The following KAZN variants were observed in gnomAD, a reference collection of about 807,000 sequenced individuals.
KAZN encodes the protein kazrin.
A neutral mutation model predicts 87.4 loss-of-function variants in KAZN; 40 were observed. That is an observed-to-expected ratio of 0.46 (90% CI 0.36 to 0.60). The LOEUF is 0.60. Ranked by LOEUF, KAZN falls within the 20% of genes least tolerant of loss-of-function variation. KAZN has a pLI of 0.00. For missense variants in KAZN, 898 were observed against 1,073.9 expected (o/e 0.84, Z 2.29); for synonymous variants, 466 against 458.3 (o/e 1.02, Z -0.22).
At chr1:14,997,363 C>T (rs1015175165) in intron 2 of KAZN, among the ~76,000 whole-genome samples, 1 of 152,008 alleles carries the variant, frequency 6.6e-6, no homozygotes, top group African/African-American at 2.4e-5. Flanking sequence ...GCCTCAGCCT[C>T]CCGAGTAGCT....
intron 1 of KAZN, among the ~76,000 whole-genome samples, chr1:14,887,234 T>G (rs1654169801): frequency 6.6e-6 from 1 of 152,200 alleles, no homozygotes; most frequent in Non-Finnish European, 1.5e-5. Flanking sequence ...TTCAAAAGAT[T>G]TTTTTTCCTA....
intron 1 of KAZN, among the ~76,000 whole-genome samples, chr1:13,994,866 C>A (rs1027417013): frequency 3.7e-5 from 3 of 80,780 alleles, no homozygotes; most frequent in Non-Finnish European, 7.2e-5. Context: ...GGGAATGCAG[C>A]ATGCTAAACA....
chr1:14,905,739 G>T (rs1656453410), intron 1 of KAZN, among the ~76,000 whole-genome samples: 1 of 151,594 alleles, frequency 6.6e-6, no homozygotes, highest in Non-Finnish European at 1.5e-5. Context: ...GGCTACTCGG[G>T]AGGCTGAGGC....
At chr1:14,874,977 A>G (rs1463268665) in intron 1 of KAZN, among the ~76,000 whole-genome samples, 1 of 152,064 alleles carries the variant, frequency 6.6e-6, no homozygotes, top group Non-Finnish European at 1.5e-5. Flanking sequence ...TACCTCTGCA[A>G]GTGGGGGTCC....
chr1:14,251,642 A>ATTTTTTTTTT (rs1571144709), intron 2 of KAZN, among the ~76,000 whole-genome samples: 1 of 81,518 alleles, frequency 1.2e-5, no homozygotes, highest in Admixed American at 1.4e-4. Context: ...GTTCTCCCGG[A>ATTTTTTTTTT]CTTTTTTTTT....
In KAZN at chr1:14,949,812, A is replaced by G. The variant is rs934013571; in HGVS notation, c.227-10872A>G. On this transcript the variant is annotated intron_variant, in intron 1 of 14. Coordinates refer to ENST00000376030, the MANE Select transcript of KAZN (RefSeq NM_201628.3). The surrounding 1 kb of genome is among the most constrained non-coding windows in gnomAD (Gnocchi z 4.3). ...CCTGTGTTTGGTGAGGGGTGGGTGA[A>G]GGCATGCAGGAGAGTACAGGTTTTC... Among the ~76,000 whole-genome samples the G allele has an allele frequency of 1.3e-5, 2 of 151,994 alleles. No homozygotes were observed. Among genetic ancestry groups the G allele is most frequent in the African/African-American group, 2.4e-5 (1 of 41,330 alleles).
At chr1:14,963,318 T>C (rs998016086) in intron 2 of KAZN, among the ~76,000 whole-genome samples, 1 of 152,220 alleles carries the variant, frequency 6.6e-6, no homozygotes. Context: ...ACCTCAATCC[T>C]GCCAGGAGCT....
intron 2 of KAZN, among the ~76,000 whole-genome samples, chr1:14,210,081 G>A (rs1192834385): frequency 6.6e-6 from 1 of 152,120 alleles, no homozygotes; most frequent in Non-Finnish European, 1.5e-5. Flanking sequence ...TACTTGATAT[G>A]GTTTGGCTGT....
intron 1 of KAZN, among the ~76,000 whole-genome samples, chr1:14,048,956 C>T (rs1003825586): frequency 4.6e-5 from 7 of 152,212 alleles, no homozygotes; most frequent in Admixed American, 1.3e-4. Flanking sequence ...TTTTAATGAT[C>T]GCCATTCTAA....
chr1:14,524,629 C>T (rs1018293226), intron 2 of KAZN, among the ~76,000 whole-genome samples: 4 of 152,132 alleles, frequency 2.6e-5, no homozygotes, highest in Admixed American at 1.3e-4. Flanking sequence ...ATGAATTTAA[C>T]CCCCCAGGCA....
intron 1 of KAZN, among the ~76,000 whole-genome samples, chr1:14,172,822 C>T (rs1469053401): frequency 6.6e-6 from 1 of 152,194 alleles, no homozygotes; most frequent in Non-Finnish European, 1.5e-5. Flanking sequence ...TTCAAGATGG[C>T]TTTTTCACTC....
chr1:14,373,198 A>AATATATATATATATATATATAT (rs58491688), intron 2 of KAZN, among the ~76,000 whole-genome samples: 66 of 149,222 alleles, frequency 4.4e-4, no homozygotes, highest in African/African-American at 1.5e-3. Context: ...TGAAAAACTG[A>AATATATATATATATATATATAT]ATATATATAT....
At chr1:14,693,309 G>T (rs1448976129) in intron 1 of KAZN, among the ~76,000 whole-genome samples, 1 of 152,186 alleles carries the variant, frequency 6.6e-6, no homozygotes, top group Non-Finnish European at 1.5e-5. Context: ...CTAAGGGAGG[G>T]GTAGCAGAAT....
chr1:14,018,588 A>G (rs1013123533), intron 1 of KAZN, among the ~76,000 whole-genome samples: 24 of 152,010 alleles, frequency 1.6e-4, no homozygotes, highest in African/African-American at 5.1e-4. Context: ...TTCAGAGGAG[A>G]TTGGCATGTG....
intron 1 of KAZN, among the ~76,000 whole-genome samples, chr1:14,775,691 G>T (rs1472706394): frequency 6.6e-6 from 1 of 152,232 alleles, no homozygotes; most frequent in Non-Finnish European, 1.5e-5. Flanking sequence ...TTCCTCTTGA[G>T]AAGCTACCGA....
In KAZN at chr1:14,581,750, A is replaced by G. The variant is rs535263189; in HGVS notation, c.250-17233A>G. Among the ~76,000 whole-genome samples the G allele has an allele frequency of 3.3e-5, 5 of 152,130 alleles. No homozygotes were observed. In the South Asian group the frequency reaches 8.3e-4, roughly 25 times the overall value. ...TTTCTCAGACAAGTCAGGGCCTCTC[A>G]TATCTCTGAGCCTTTGCCCTCCCTA... On this transcript the variant is annotated intron_variant, in intron 2 of 16. Coordinates refer to the KAZN transcript ENST00000636203.
chr1:13,931,953 T>A (rs1640531483), intron 1 of KAZN, among the ~76,000 whole-genome samples: 1 of 151,706 alleles, frequency 6.6e-6, no homozygotes, highest in Non-Finnish European at 1.5e-5. Flanking sequence ...TTCTCCTGCC[T>A]CAACCTCCCT....
At chr1:14,050,399 A>G (rs1260423072) in intron 1 of KAZN, among the ~76,000 whole-genome samples, 1 of 152,178 alleles carries the variant, frequency 6.6e-6, no homozygotes, top group Non-Finnish European at 1.5e-5. Flanking sequence ...TTATAAGGAA[A>G]AGAGGTTTAA....
rs899732516 is a variant in KAZN, at chr1:14,856,476, T to C, written c.227-104208T>C. Among the ~76,000 whole-genome samples, 3 of 152,208 alleles carry C rather than the reference T, an allele frequency of 2.0e-5. No homozygotes were observed. The highest frequency in any genetic ancestry group is 6.5e-5 in the Admixed American group (1 of 15,276). On this transcript the variant is annotated intron_variant, in intron 1 of 14. Transcript: ENST00000376030. The surrounding 1 kb of genome is among the most constrained non-coding windows in gnomAD (Gnocchi z 5.2). ...GGGAATTAATATATACATAAGCGCATCTGCTCTAAACACTTTTTTCCCTTT... is the reference window on the plus strand; with the variant it reads ...GGGAATTAATATATACATAAGCGCACCTGCTCTAAACACTTTTTTCCCTTT...
Sources: allele counts gnomAD v4.1 joint callset (sites outside exome capture counted in the v4.1 genomes callset), GRCh38; gene constraint gnomAD v4.1.1; non-coding constraint Gnocchi (gnomAD v3.1); transcripts MANE v1.5; gene names NCBI Gene and HGNC (gene_info 2026-07-23, HGNC 2026-07-21).